SERGEF: variants seen among roughly 807,000 people sequenced by gnomAD.
SERGEF encodes secretion-regulating guanine nucleotide exchange factor.
A neutral mutation model predicts 50.0 loss-of-function variants in SERGEF; 51 were observed. The observed-to-expected ratio is 1.02, with a 90% confidence interval of 0.81 to 1.29. The LOEUF is 1.29. Among genes scored for constraint, SERGEF ranks in the 50% most tolerant of loss-of-function variants. SERGEF has a pLI of 0.00. For synonymous variants in SERGEF, 205 were observed against 212.4 expected, an observed-to-expected ratio of 0.97 and a Z score of 0.30; for missense variants, 521 against 557.0, an observed-to-expected ratio of 0.94 and a Z score of 0.65.
At chr11:17,881,054 A>G (rs1328564656) in intron 9 of SERGEF, among the ~76,000 whole-genome samples, 1 of 152,226 alleles carries the variant, frequency 6.6e-6, no homozygotes, top group Non-Finnish European at 1.5e-5. Context: ...TTGAGACATA[A>G]GGAGACTGAG....
intron 5 of SERGEF, chr11:17,999,471 T>C (rs1853913570): frequency 4.7e-6 from 2 of 425,912 alleles, no homozygotes; most frequent in South Asian, 3.4e-5. Flanking sequence ...ATCAGCACAG[T>C]CCTGCATTGA....
At chr11:17,947,275 T>C (rs1852681188) in intron 9 of SERGEF, among the ~76,000 whole-genome samples, 1 of 152,156 alleles carries the variant, frequency 6.6e-6, no homozygotes, top group African/African-American at 2.4e-5. Context: ...CAGAAAAGAT[T>C]CCACTGGGCA....
intron 10 of SERGEF, among the ~76,000 whole-genome samples, chr11:17,804,259 T>G (rs1936801412): frequency 1.3e-5 from 2 of 152,220 alleles, no homozygotes; most frequent in African/African-American, 2.4e-5. Flanking sequence ...ACCACTGCTG[T>G]AGGAGTTAGA....
intron 10 of SERGEF, among the ~76,000 whole-genome samples, chr11:17,844,097 T>C (rs1850556674): frequency 6.6e-6 from 1 of 152,136 alleles, no homozygotes; most frequent in African/African-American, 2.4e-5. Flanking sequence ...TCCAGACCTT[T>C]CACTTTATAG....
intron 10 of SERGEF, among the ~76,000 whole-genome samples, chr11:17,796,879 T>C (rs1406495454): frequency 1.3e-5 from 2 of 152,102 alleles, no homozygotes; most frequent in Non-Finnish European, 2.9e-5. Context: ...GAAGGCTGTA[T>C]GTGGGAAAAC....
intron 10 of SERGEF, among the ~76,000 whole-genome samples, chr11:17,843,126 C>G (rs192975763): frequency 1.3e-5 from 2 of 152,322 alleles, no homozygotes; most frequent in Admixed American, 6.5e-5. Context: ...GATTCTAAGT[C>G]TGAATTCTGA....
At chr11:17,978,873 C>A (rs975221549) in intron 8 of SERGEF, among the ~76,000 whole-genome samples, 7 of 152,224 alleles carry the variant, frequency 4.6e-5, no homozygotes, top group African/African-American at 1.7e-4. Context: ...CCTACTGCTG[C>A]CATCTGGTGG....
intron 9 of SERGEF, among the ~76,000 whole-genome samples, chr11:17,920,248 AAAAC>A (rs755360390): frequency 5.9e-5 from 9 of 152,172 alleles, no homozygotes; most frequent in African/African-American, 1.2e-4. Flanking sequence ...CTCTGTCTCA[AAAAC>A]AAACAAACAA....
At chr11:17,802,542 A>C (rs1470553538) in intron 10 of SERGEF, among the ~76,000 whole-genome samples, 4 of 152,172 alleles carry the variant, frequency 2.6e-5, no homozygotes, top group Non-Finnish European at 5.9e-5. Context: ...CTTAGCCTAT[A>C]AGGTCCTATA....
chr11:17,843,645 T>C (rs1157126866), intron 10 of SERGEF, among the ~76,000 whole-genome samples: 1 of 152,138 alleles, frequency 6.6e-6, no homozygotes, highest in African/African-American at 2.4e-5. Flanking sequence ...GTATAGGTGG[T>C]ATAAAGCCAT....
chr11:17,812,180 G>A (rs2237948), intron 10 of SERGEF, among the ~76,000 whole-genome samples: 75,562 of 152,004 alleles, frequency 0.5, 19,335 homozygotes, highest in East Asian at 0.86. Flanking sequence ...AACTGCACGG[G>A]AGACTGAGAA....
intron 9 of SERGEF, among the ~76,000 whole-genome samples, chr11:17,893,955 G>A (rs1441779007): frequency 2.6e-5 from 4 of 152,148 alleles, no homozygotes; most frequent in African/African-American, 9.7e-5. Context: ...GCTCTTGCCT[G>A]GGATTGTGCA....
At chr11:17,848,583 T>C (rs1472689801) in intron 10 of SERGEF, among the ~76,000 whole-genome samples, 2 of 152,200 alleles carry the variant, frequency 1.3e-5, no homozygotes, top group Non-Finnish European at 2.9e-5. Context: ...TTTGTTTTCA[T>C]TTTTACATGA....
chr11:17,839,559 C>T (rs971860221), intron 10 of SERGEF, among the ~76,000 whole-genome samples: 1 of 152,122 alleles, frequency 6.6e-6, no homozygotes, highest in Non-Finnish European at 1.5e-5. Flanking sequence ...TGTCAGTCCT[C>T]AGGCAGAAAA....
At chr11:17,920,405 C>T (rs1186955040) in intron 9 of SERGEF, among the ~76,000 whole-genome samples, 2 of 152,182 alleles carry the variant, frequency 1.3e-5, no homozygotes, top group Non-Finnish European at 2.9e-5. Flanking sequence ...GTCTGTCTCT[C>T]CTCACTAAAA....
chr11:17,847,186 G>A (rs1404642739), intron 10 of SERGEF, among the ~76,000 whole-genome samples: 1 of 152,256 alleles, frequency 6.6e-6, no homozygotes, highest in Non-Finnish European at 1.5e-5. Context: ...ACTGCACCCT[G>A]TAAGCAGGTG....
intron 8 of SERGEF, among the ~76,000 whole-genome samples, chr11:17,973,476 T>TTAAG (rs1853297653): frequency 6.6e-6 from 1 of 152,148 alleles, no homozygotes; most frequent in Non-Finnish European, 1.5e-5. Flanking sequence ...GAAGCTCAGA[T>TTAAG]TAAGATCTCC....
chr11:17,866,226 T>C (rs1241360963), intron 10 of SERGEF, among the ~76,000 whole-genome samples: 1 of 152,202 alleles, frequency 6.6e-6, no homozygotes, highest in Admixed American at 6.5e-5. Context: ...ACTGACCAGC[T>C]GTGCAATTTT....
At chr11:17,851,137 G>A (rs932025263) in intron 10 of SERGEF, among the ~76,000 whole-genome samples, 5 of 152,150 alleles carry the variant, frequency 3.3e-5, no homozygotes, top group South Asian at 2.1e-4. Context: ...TATCTGTACC[G>A]TGTGCTGGCC....
Sources: gnomAD v4.1 joint callset for allele counts (sites outside exome capture counted in the v4.1 genomes callset) on GRCh38, gnomAD v4.1.1 for gene constraint, MANE v1.5 for transcripts, NCBI Gene and HGNC (gene_info 2026-07-23, HGNC 2026-07-21) for gene names.